The following HIPK2 variants were observed in gnomAD, a reference collection of about 807,000 sequenced individuals.
The protein encoded by HIPK2 is homeodomain interacting protein kinase 2.
In HIPK2, 27 loss-of-function variants were observed where a neutral mutation model predicts 113.7. The observed-to-expected ratio is 0.24, with a 90% CI of 0.17 to 0.33. The LOEUF (loss-of-function observed/expected upper bound fraction) is 0.33. Among genes scored for constraint, HIPK2 ranks in the 10% least tolerant of loss-of-function variants. HIPK2 has a pLI of 1.00. For missense variants in HIPK2, 1,257 were observed against 1,588.0 expected (o/e 0.79, Z 3.54); for synonymous variants, 631 against 642.2 (o/e 0.98, Z 0.26).
At chr7:139,577,751 G>A (rs117507844) in intron 13 of HIPK2, among the ~76,000 whole-genome samples, 1,536 of 152,300 alleles carry the variant, frequency 0.01, 19 homozygotes, top group South Asian at 0.032. Flanking sequence ...AAGAAGGGCA[G>A]GGCAGACCAG....
chr7:139,613,382 GA>G lies in HIPK2; in HGVS notation c.1991-60del, dbSNP rs540221857. The G allele has an allele frequency of 6.3e-7, 1 of 1,591,246 alleles. No individual in the cohort carries two copies. Among genetic ancestry groups the G allele is most frequent in the South Asian group, 1.1e-5 (1 of 87,816 alleles). On this transcript the variant is annotated intron_variant, in intron 8 of 14. Transcript: ENST00000406875. This position sits in a 1 kb window ranked among gnomAD's most constrained non-coding sequence, Gnocchi z 4.2. ...GCTGAGACGCTGTGAACAGCTGGAT[GA>G]AAAGAACCTTCCTGGGCAGTTATGT...
chr7:139,586,682 C>T (rs1489487939), intron 12 of HIPK2, among the ~76,000 whole-genome samples: 1 of 151,132 alleles, frequency 6.6e-6, no homozygotes, highest in Admixed American at 6.6e-5. Flanking sequence ...AGGTGGGAGC[C>T]CAGGAGTTTG....
chr7:139,673,078 G>T (rs1802360483), intron 2 of HIPK2, among the ~76,000 whole-genome samples: 1 of 148,528 alleles, frequency 6.7e-6, no homozygotes, highest in South Asian at 2.1e-4. Context: ...GAACAGTGGT[G>T]ATTAGAAAAG....
At position 139,604,683 on chromosome 7, in the gene HIPK2, C is replaced by CA. The variant is rs11353760; in HGVS notation, c.2113-461dup. ...TGGGCGACAGAGCGAGACTCCGTCT[C>CA]AAAAAAAAAAAAAAAAAAAAAAAAA... On this transcript the variant is annotated intron_variant, in intron 9 of 14. Coordinates refer to ENST00000406875, the MANE Select transcript of HIPK2 (RefSeq NM_022740.5). Among the ~76,000 whole-genome samples, 393 of 48,756 alleles carry CA rather than the reference C, an allele frequency of 8.1e-3. 29 individuals carry two copies. The highest frequency in any genetic ancestry group is 0.027 in the Middle Eastern group (2 of 74). The allele number at this position is 48,756 out of a possible 152,430, so 32.0% of individuals were successfully genotyped here.
chr7:139,730,639 G>A (rs1197921856), intron 1 of HIPK2, among the ~76,000 whole-genome samples: 1 of 152,198 alleles, frequency 6.6e-6, no homozygotes, highest in African/African-American at 2.4e-5. Flanking sequence ...AGGATTATAG[G>A]CATGAGCCAT....
At chr7:139,642,449 GAA>G (rs1206007992) in intron 2 of HIPK2, among the ~76,000 whole-genome samples, 4 of 152,218 alleles carry the variant, frequency 2.6e-5, no homozygotes, top group Admixed American at 2.6e-4. Flanking sequence ...GCAAGGGCTG[GAA>G]AGCACCTCGG....
intron 9 of HIPK2, among the ~76,000 whole-genome samples, chr7:139,609,508 AG>A (rs1799740278): frequency 1.3e-5 from 2 of 152,252 alleles, no homozygotes; most frequent in Non-Finnish European, 2.9e-5. Context: ...TTAGAGAAAA[AG>A]AACAATGTCA....
intron 1 of HIPK2, among the ~76,000 whole-genome samples, chr7:139,736,503 AC>A (rs1020054315): frequency 3.3e-5 from 5 of 151,992 alleles, no homozygotes; most frequent in African/African-American, 1.2e-4. Context: ...CGGAGAGCAC[AC>A]CCTCCTGGCA....
chr7:139,770,039 T>C (rs965184122), intron 1 of HIPK2, among the ~76,000 whole-genome samples: 5 of 152,220 alleles, frequency 3.3e-5, no homozygotes, highest in African/African-American at 1.2e-4. Context: ...CGAGTTCCCC[T>C]GACACTTACT....
At chr7:139,664,628 T>C (rs1801983044) in intron 2 of HIPK2, among the ~76,000 whole-genome samples, 1 of 152,126 alleles carries the variant, frequency 6.6e-6, no homozygotes, top group Admixed American at 6.5e-5. Flanking sequence ...TGGCGCAACA[T>C]CCCTTTCAGG....
intron 2 of HIPK2, among the ~76,000 whole-genome samples, chr7:139,695,423 C>T (rs1020538353): frequency 3.2e-4 from 48 of 152,264 alleles, no homozygotes; most frequent in African/African-American, 1.2e-3. Context: ...TCTCTTGGGG[C>T]CACCATGAAA....
At chr7:139,669,657 T>TG (rs141264153) in intron 2 of HIPK2, among the ~76,000 whole-genome samples, 13 of 19,940 alleles carry the variant, frequency 6.5e-4, no homozygotes, top group East Asian at 4.0e-3. Context: ...AGTGGGCGGG[T>TG]GGGGGGGACA....
intron 2 of HIPK2, among the ~76,000 whole-genome samples, chr7:139,653,212 A>G (rs1347745736): frequency 6.6e-6 from 1 of 151,252 alleles, no homozygotes; most frequent in African/African-American, 2.4e-5. Flanking sequence ...AGTAGGAGCA[A>G]GGGGCAAGTG....
intron 2 of HIPK2, among the ~76,000 whole-genome samples, chr7:139,686,054 C>T (rs1248792210): frequency 6.6e-6 from 1 of 152,196 alleles, no homozygotes; most frequent in African/African-American, 2.4e-5. Flanking sequence ...AAAGCATTCC[C>T]CATTCTAAAT....
intron 2 of HIPK2, among the ~76,000 whole-genome samples, chr7:139,653,315 G>C (rs540247485): frequency 6.6e-6 from 1 of 151,938 alleles, no homozygotes; most frequent in South Asian, 2.1e-4. Flanking sequence ...GCTGCTCTTT[G>C]ATTTCTTCAG....
chr7:139,695,910 A>G lies in HIPK2; in HGVS notation c.1103+20022T>C, dbSNP rs915052205. Among the ~76,000 whole-genome samples the G allele has an allele frequency of 2.2e-3, 340 of 151,992 alleles. 1 individual carries two copies. Among genetic ancestry groups the G allele is most frequent in the African/African-American group, 7.8e-3 (323 of 41,230 alleles). ...GAAGGGCCTAGTTCTGATTCATCAT[A>G]GCACACTGTCTTGCTCCTAATAGGT... On this transcript the variant is annotated intron_variant, in intron 2 of 14. Coordinates refer to ENST00000406875, the MANE Select transcript of HIPK2 (RefSeq NM_022740.5).
chr7:139,638,383 CTG>C (rs1468184622), intron 2 of HIPK2, among the ~76,000 whole-genome samples: 1 of 152,184 alleles, frequency 6.6e-6, no homozygotes, highest in Non-Finnish European at 1.5e-5. Flanking sequence ...CCCACTGTCT[CTG>C]TGCTGGCTCT....
rs530421532 is a variant in HIPK2, at chr7:139,571,505, G to C, written c.*1422C>G. ...CTACTGCCACAACTCAACTCCCGCC[G>C]TCCCCATCTCCAGACGCACCCGCCG... is the stretch of plus-strand genomic sequence containing the variant. On this transcript the variant is annotated 3_prime_UTR_variant, in exon 15 of 15. Coordinates refer to ENST00000406875, the MANE Select transcript of HIPK2 (RefSeq NM_022740.5). The C allele has an allele frequency of 6.6e-6, 1 of 152,224 alleles. No homozygotes were observed. The highest frequency in any genetic ancestry group is 1.5e-5 in the Non-Finnish European group (1 of 68,098). 9.4% of individuals were successfully genotyped at this position (152,224 alleles called of 1,614,324 possible).
intron 12 of HIPK2, among the ~76,000 whole-genome samples, chr7:139,591,733 A>AT (rs1799031959): frequency 6.6e-6 from 1 of 152,268 alleles, no homozygotes; most frequent in African/African-American, 2.4e-5. Context: ...TGACTGAAAT[A>AT]TTTTTCAACT....
Sources: allele counts gnomAD v4.1 joint callset (sites outside exome capture counted in the v4.1 genomes callset), GRCh38; gene constraint gnomAD v4.1.1; non-coding constraint Gnocchi (gnomAD v3.1); transcripts MANE v1.5; gene names NCBI Gene and HGNC (gene_info 2026-07-23, HGNC 2026-07-21).